The following ZNF678 variants were observed in gnomAD, a reference collection of about 807,000 sequenced individuals.
The protein encoded by ZNF678 is zinc finger protein 678, also known as hypothetical protein MGC42493.
A neutral mutation model predicts 3.0 loss-of-function variants in ZNF678; 5 were observed. That is an observed-to-expected ratio of 1.69 (90% CI 0.88 to 3.56). The LOEUF (loss-of-function observed/expected upper bound fraction) is 3.56. Among genes scored for constraint, ZNF678 ranks in the 30% most tolerant of loss-of-function variants. The pLI is 0.00. For missense variants in ZNF678, 593 were observed against 605.0 expected (o/e 0.98, Z 0.21); for synonymous variants, 218 against 199.6 (o/e 1.09, Z -0.78).
intron 5 of ZNF678, among the ~76,000 whole-genome samples, chr1:227,672,418 G>T (rs1382459337): frequency 6.6e-6 from 1 of 152,106 alleles, no homozygotes; most frequent in Non-Finnish European, 1.5e-5. Flanking sequence ...TGATTGGGAG[G>T]CTCAGGGTAC....
At chr1:227,643,401 C>T (rs1658869903) in intron 1 of ZNF678, among the ~76,000 whole-genome samples, 1 of 152,128 alleles carries the variant, frequency 6.6e-6, no homozygotes, top group South Asian at 2.1e-4. Flanking sequence ...TTAGGAAAGA[C>T]GTAACTGAAA....
intron 1 of ZNF678, among the ~76,000 whole-genome samples, chr1:227,591,587 CTT>C (rs992050106): frequency 6.6e-6 from 1 of 152,066 alleles, no homozygotes; most frequent in Non-Finnish European, 1.5e-5. Context: ...TTGGCTCACA[CTT>C]TACTCGTATC....
At chr1:227,620,629 T>G (rs1250243541) in intron 1 of ZNF678, among the ~76,000 whole-genome samples, 1 of 152,218 alleles carries the variant, frequency 6.6e-6, no homozygotes, top group Non-Finnish European at 1.5e-5. Context: ...ATTTGGTCTT[T>G]GTTAAAAGCA....
chr1:227,609,405 A>G (rs1461072602), intron 1 of ZNF678, among the ~76,000 whole-genome samples: 1 of 152,260 alleles, frequency 6.6e-6, no homozygotes, highest in East Asian at 1.9e-4. Flanking sequence ...AATGCATTAC[A>G]GAGGAACGAT....
rs901459519 is a variant in ZNF678 at position 227,563,742 on chromosome 1, G to C, written c.-164+18G>C. Reference sequence around the variant, plus strand: ...GGAAAACGGTGAGAGTTCCCGGGAGGGTGTTCCAAGATGGCGGTCCGGCCT... The same window carrying C: ...GGAAAACGGTGAGAGTTCCCGGGAGCGTGTTCCAAGATGGCGGTCCGGCCT... On this transcript the variant is annotated intron_variant, in intron 1 of 3. Transcript: ENST00000343776. 7.6e-7 allele frequency: 1 copy of C among 1,314,824 alleles called. No homozygotes were observed. Among genetic ancestry groups the C allele is most frequent in the Non-Finnish European group, 1.0e-6 (1 of 994,010 alleles). 81.4% of individuals were successfully genotyped at this position (1,314,824 alleles called of 1,614,324 possible).
At chr1:227,635,183 A>G (rs762738479) in intron 1 of ZNF678, among the ~76,000 whole-genome samples, 1 of 152,040 alleles carries the variant, frequency 6.6e-6, no homozygotes, top group Non-Finnish European at 1.5e-5. Flanking sequence ...GAAAACTTTT[A>G]TATGTATTTT....
At chr1:227,672,998 C>T (rs949381461) in intron 5 of ZNF678, among the ~76,000 whole-genome samples, 4 of 152,130 alleles carry the variant, frequency 2.6e-5, no homozygotes, top group African/African-American at 9.7e-5. Flanking sequence ...GTAGGGTTGG[C>T]TCAACTCTTC....
intron 1 of ZNF678, among the ~76,000 whole-genome samples, chr1:227,564,476 C>T (rs1441657089): frequency 1.3e-5 from 2 of 152,196 alleles, no homozygotes; most frequent in East Asian, 1.9e-4. Context: ...CTGCTTTTCC[C>T]CTGCATTTTC....
intron 1 of ZNF678, among the ~76,000 whole-genome samples, chr1:227,588,400 A>T (rs1315326576): frequency 6.6e-6 from 1 of 152,106 alleles, no homozygotes; most frequent in South Asian, 2.1e-4. Context: ...TCTTTGAGGA[A>T]TCGCCACACT....
chr1:227,604,102 G>C (rs1657805402), intron 1 of ZNF678, among the ~76,000 whole-genome samples: 1 of 152,180 alleles, frequency 6.6e-6, no homozygotes, highest in African/African-American at 2.4e-5. Context: ...TGACATTTGA[G>C]TATTTCCATT....
chr1:227,592,327 T>C (rs2102739637), intron 1 of ZNF678, among the ~76,000 whole-genome samples: 1 of 152,338 alleles, frequency 6.6e-6, no homozygotes, highest in East Asian at 1.9e-4. Flanking sequence ...AGAGTTAGCT[T>C]ATCTGCTTCT....
intron 1 of ZNF678, 121 bp downstream of exon 1, chr1:227,563,845 G>T: frequency 8.6e-6 from 8 of 927,536 alleles, no homozygotes; most frequent in Non-Finnish European, 1.2e-5. Context: ...GGTAGGGGCG[G>T]GGCCAGGCCG....
rs1241704188 is a variant in ZNF678, at chr1:227,610,783, A to T, written c.-163-35761A>T. 2.6e-5 allele frequency among the ~76,000 whole-genome samples: 4 copies of T among 152,256 alleles called. 1 individual carries two copies. Among genetic ancestry groups the T allele is most frequent in the African/African-American group, 9.6e-5 (4 of 41,558 alleles). ...CCCCTAAGGTGATCAACACCCTATA[A>T]TATCCACTCAAGTAGGGCATAGAAG... On this transcript the variant is annotated intron_variant, in intron 1 of 3. Coordinates refer to ENST00000343776, the MANE Select transcript of ZNF678 (RefSeq NM_001367909.1).
At chr1:227,630,934 C>A (rs1180317140) in intron 1 of ZNF678, among the ~76,000 whole-genome samples, 1 of 152,136 alleles carries the variant, frequency 6.6e-6, no homozygotes, top group Non-Finnish European at 1.5e-5. Context: ...CATTTGCCCT[C>A]TTCTACAAAA....
chr1:227,604,987 C>G (rs1657828036), intron 1 of ZNF678, among the ~76,000 whole-genome samples: 1 of 152,102 alleles, frequency 6.6e-6, no homozygotes, highest in African/African-American at 2.4e-5. Context: ...TCCCAATTAG[C>G]TGGGACTACA....
At position 227,572,007 on chromosome 1, in the gene ZNF678, A is replaced by G. The variant is rs182167097; in HGVS notation, c.-164+8283A>G. Among the ~76,000 whole-genome samples, 698 of 152,270 alleles carry G rather than the reference A, an allele frequency of 4.6e-3. 19 individuals carry two copies. In the South Asian group the frequency reaches 0.057, roughly 12 times the overall value. On this transcript the variant is annotated intron_variant, in intron 1 of 3. Transcript: ENST00000343776. Reference sequence around the variant, plus strand: ...CAGTGAGCCAAGATCGCACCACTGCACTCCAGCGTGGGCAACAGAGCGAGA... The same window carrying G: ...CAGTGAGCCAAGATCGCACCACTGCGCTCCAGCGTGGGCAACAGAGCGAGA...
At chr1:227,653,890 A>G (rs1272010613) in intron 3 of ZNF678, among the ~76,000 whole-genome samples, 1 of 152,112 alleles carries the variant, frequency 6.6e-6, no homozygotes, top group Admixed American at 6.6e-5. Context: ...TGTTATGGGA[A>G]ACAGAAACCA....
intron 1 of ZNF678, among the ~76,000 whole-genome samples, chr1:227,610,607 G>GC (rs1363429207): frequency 2.0e-4 from 30 of 152,104 alleles, no homozygotes; most frequent in Admixed American, 7.2e-4. Context: ...TTTTTCACAA[G>GC]CTCTGGTGTT....
intron 5 of ZNF678, among the ~76,000 whole-genome samples, chr1:227,673,977 A>G (rs921270032): frequency 1.3e-5 from 2 of 152,234 alleles, no homozygotes; most frequent in African/African-American, 4.8e-5. Flanking sequence ...AAAAAAGAAA[A>G]GCTTTCTCTC....
Sources: allele counts gnomAD v4.1 joint callset (sites outside exome capture counted in the v4.1 genomes callset), GRCh38; gene constraint gnomAD v4.1.1; transcripts MANE v1.5; gene names NCBI Gene and HGNC (gene_info 2026-07-23, HGNC 2026-07-21).